ILRUN: variants seen among roughly 807,000 people sequenced by gnomAD.
The protein encoded by ILRUN is protein ILRUN.
A neutral mutation model predicts 33.8 loss-of-function variants in ILRUN; 3 were observed. That is an observed-to-expected ratio of 0.09 (90% CI 0.04 to 0.23). The LOEUF is 0.23. Ranked by LOEUF, ILRUN falls within the 10% of genes least tolerant of loss-of-function variation. The pLI is 1.00. For synonymous variants in ILRUN, 124 were observed against 138.9 expected (o/e 0.89, Z 0.75); for missense variants, 210 against 375.1 (o/e 0.56, Z 3.64).
chr6:34,616,224 GGT>G (rs1391858640), intron 3 of ILRUN, among the ~76,000 whole-genome samples: 4 of 152,170 alleles, frequency 2.6e-5, no homozygotes, highest in Admixed American at 1.3e-4. Context: ...GGCAAAGCCT[GGT>G]GAAGGTCAAC....
In ILRUN at chr6:34,685,402, T is replaced by A. The variant is rs1485245668; in HGVS notation, c.158+11044A>T. 7 of 152,296 alleles carry A rather than the reference T, an allele frequency of 4.6e-5. No individual in the cohort carries two copies. The East Asian group carries it at 1.3e-3, about 29-fold the overall frequency. 9.4% of individuals were successfully genotyped at this position (152,296 alleles called of 1,614,324 possible). A position where few individuals can be genotyped will look rare whatever the true frequency, so the allele number is the denominator to read the frequency against. On this transcript the variant is annotated intron_variant, in intron 1 of 4. Coordinates refer to ENST00000374023, the MANE Select transcript of ILRUN (RefSeq NM_024294.4). ...GTGCAGTGGCTATTCACAGATGTAA[T>A]CCCACTACTGATCAGCACGGGACTT... is the stretch of plus-strand genomic sequence containing the variant.
At chr6:34,693,609 A>G (rs914693999) in intron 1 of ILRUN, among the ~76,000 whole-genome samples, 1 of 151,656 alleles carries the variant, frequency 6.6e-6, no homozygotes, top group Non-Finnish European at 1.5e-5. Flanking sequence ...CATATATGCT[A>G]CTCCATGGCT....
intron 1 of ILRUN, among the ~76,000 whole-genome samples, chr6:34,663,287 G>C (rs1286294341): frequency 6.6e-6 from 1 of 152,086 alleles, no homozygotes; most frequent in Non-Finnish European, 1.5e-5. Flanking sequence ...TCTGGGTATA[G>C]TGGCGCGTGC....
intron 3 of ILRUN, among the ~76,000 whole-genome samples, chr6:34,614,435 A>AGATATATATATATATATATATAT (rs1289507613): frequency 8.1e-6 from 1 of 123,444 alleles, no homozygotes; most frequent in African/African-American, 3.8e-5. Flanking sequence ...AAATAATAAA[A>AGATATATATATATATATATATAT]AAAAAAAAAT....
At chr6:34,614,024 A>G (rs1320489659) in intron 3 of ILRUN, among the ~76,000 whole-genome samples, 1 of 152,242 alleles carries the variant, frequency 6.6e-6, no homozygotes, top group Non-Finnish European at 1.5e-5. Context: ...TCACAGGGAC[A>G]TATAAACCAA....
At chr6:34,650,336 C>A (rs558600523) in intron 2 of ILRUN, among the ~76,000 whole-genome samples, 14 of 152,126 alleles carry the variant, frequency 9.2e-5, no homozygotes, top group African/African-American at 3.1e-4. Context: ...TATTAGATAT[C>A]TCAGTTCTGC....
At chr6:34,597,947 C>G (rs1761435627) in intron 4 of ILRUN, among the ~76,000 whole-genome samples, 1 of 152,178 alleles carries the variant, frequency 6.6e-6, no homozygotes, top group South Asian at 2.1e-4. Context: ...CTTGATTACT[C>G]CAAGTCTTAC....
intron 3 of ILRUN, among the ~76,000 whole-genome samples, chr6:34,642,038 T>C: frequency 6.6e-6 from 1 of 152,202 alleles, no homozygotes; most frequent in East Asian, 1.9e-4. Context: ...TCACTATGAA[T>C]TTTGCTAAAA....
At chr6:34,602,374 T>C (rs1052904799) in intron 4 of ILRUN, among the ~76,000 whole-genome samples, 1 of 152,188 alleles carries the variant, frequency 6.6e-6, no homozygotes, top group Non-Finnish European at 1.5e-5. Context: ...TTTTAAAAAT[T>C]ACTGGCATAT....
Position 34,588,097 on chromosome 6 carries a change from T to C in ILRUN, c.*2468A>G, listed in dbSNP as rs867478963. ...CAGTGAGGGGAGAGAGAATGAATGA[T>C]ACTGATACCCTCCCTGGGCTGGGGA... is the stretch of plus-strand genomic sequence containing the variant. On this transcript the variant is annotated 3_prime_UTR_variant, in exon 5 of 5. Coordinates refer to ENST00000374023, the MANE Select transcript of ILRUN (RefSeq NM_024294.4). 21 of 398,772 alleles carry C rather than the reference T, an allele frequency of 5.3e-5. 1 individual carries two copies. The highest frequency in any genetic ancestry group is 4.1e-4 in the African/African-American group (20 of 48,768). 24.7% of individuals were successfully genotyped at this position (398,772 alleles called of 1,614,324 possible).
chr6:34,684,483 A>T (rs1052324118), intron 1 of ILRUN, among the ~76,000 whole-genome samples: 7 of 152,206 alleles, frequency 4.6e-5, no homozygotes, highest in Non-Finnish European at 1.0e-4. Flanking sequence ...CTTTTCTCCC[A>T]TCTACCCTTA....
At chr6:34,650,081 C>T (rs1762629782) in intron 2 of ILRUN, among the ~76,000 whole-genome samples, 1 of 147,018 alleles carries the variant, frequency 6.8e-6, no homozygotes. Context: ...TCACCAAAGT[C>T]AGAGAAACAC....
At chr6:34,656,816 G>C (rs1360761322) in intron 1 of ILRUN, among the ~76,000 whole-genome samples, 1 of 152,226 alleles carries the variant, frequency 6.6e-6, no homozygotes, top group Non-Finnish European at 1.5e-5. Context: ...TGTCATATTA[G>C]TCAGTAATGA....
chr6:34,624,725 G>GTTTT (rs1762080199), intron 3 of ILRUN, among the ~76,000 whole-genome samples: 1 of 152,120 alleles, frequency 6.6e-6, no homozygotes, highest in Non-Finnish European at 1.5e-5. Flanking sequence ...CTTCTACAGA[G>GTTTT]CTAATGTGTT....
intron 3 of ILRUN, among the ~76,000 whole-genome samples, chr6:34,630,041 C>G (rs1168609471): frequency 6.6e-6 from 1 of 152,146 alleles, no homozygotes; most frequent in East Asian, 1.9e-4. Context: ...GCTAGTATCA[C>G]TACTCTTGCA....
chr6:34,664,053 A>G (rs1353875040), intron 1 of ILRUN, among the ~76,000 whole-genome samples: 2 of 152,236 alleles, frequency 1.3e-5, no homozygotes, highest in Non-Finnish European at 2.9e-5. Context: ...AGCCTCTGGA[A>G]GCAGGAAAAG....
intron 3 of ILRUN, among the ~76,000 whole-genome samples, chr6:34,641,839 G>A (rs1762480941): frequency 6.6e-6 from 1 of 152,030 alleles, no homozygotes. Context: ...AAAGTTCATG[G>A]TGGGTAAGCA....
At chr6:34,645,424 G>C (rs1027672624) in intron 3 of ILRUN, among the ~76,000 whole-genome samples, 1 of 152,108 alleles carries the variant, frequency 6.6e-6, no homozygotes, top group African/African-American at 2.4e-5. Context: ...ATTCAGACTG[G>C]AGTGCAGTGG....
chr6:34,649,014 A>G (rs961773413), intron 2 of ILRUN, among the ~76,000 whole-genome samples: 37 of 152,232 alleles, frequency 2.4e-4, no homozygotes, highest in African/African-American at 7.7e-4. Context: ...GTTAGTCAGT[A>G]AAACATTAAA....
Sources: allele counts gnomAD v4.1 joint callset (sites outside exome capture counted in the v4.1 genomes callset), GRCh38; gene constraint gnomAD v4.1.1; transcripts MANE v1.5; gene names NCBI Gene and HGNC (gene_info 2026-07-23, HGNC 2026-07-21).